The following CDH12 variants were observed in gnomAD, a reference collection of about 807,000 sequenced individuals.
CDH12 encodes the protein cadherin 12.
A neutral mutation model predicts 74.1 loss-of-function variants in CDH12; 41 were observed. The ratio of observed to expected loss-of-function variants is 0.55; its 90% CI spans 0.43 to 0.72. The LOEUF is 0.72. CDH12 is among the 30% of genes least tolerant of loss of function. The pLI, the probability that CDH12 is intolerant of heterozygous loss-of-function variation, is 0.00. For missense variants in CDH12, 945 were observed against 977.2 expected (o/e 0.97, Z 0.44); for synonymous variants, 399 against 355.0 (o/e 1.12, Z -1.39).
intron 1 of CDH12, among the ~76,000 whole-genome samples, chr5:22,730,170 A>G (rs547504737): frequency 1.3e-5 from 2 of 151,908 alleles, no homozygotes; most frequent in South Asian, 4.1e-4. Context: ...CTAGATATTT[A>G]AATAAAATGA....
chr5:22,268,603 T>C (rs1422670706), intron 3 of CDH12, among the ~76,000 whole-genome samples: 1 of 152,104 alleles, frequency 6.6e-6, no homozygotes, highest in Non-Finnish European at 1.5e-5. Context: ...TATTATAAGA[T>C]GTTAAGGTTT....
chr5:22,380,291 A>T (rs1262203921), intron 3 of CDH12, among the ~76,000 whole-genome samples: 1 of 152,182 alleles, frequency 6.6e-6, no homozygotes, highest in Non-Finnish European at 1.5e-5. Context: ...CATATTTCAT[A>T]CTAATTATTT....
intron 1 of CDH12, among the ~76,000 whole-genome samples, chr5:22,569,992 T>C (rs1271260018): frequency 6.6e-6 from 1 of 152,170 alleles, no homozygotes; most frequent in Non-Finnish European, 1.5e-5. Context: ...TCATAGGGAT[T>C]AGTATCTATA....
chr5:22,445,612 A>G (rs576302638), intron 2 of CDH12, among the ~76,000 whole-genome samples: 1 of 152,244 alleles, frequency 6.6e-6, no homozygotes, highest in Admixed American at 6.6e-5. Flanking sequence ...TAATGTTTTT[A>G]TCTTGAACCT....
intron 3 of CDH12, among the ~76,000 whole-genome samples, chr5:22,360,607 C>A (rs1055908339): frequency 9.9e-5 from 15 of 152,072 alleles, no homozygotes; most frequent in African/African-American, 3.6e-4. Flanking sequence ...GATACCAAAG[C>A]CTGGCAGAGA....
At chr5:22,072,459 T>C (rs932529279) in intron 5 of CDH12, among the ~76,000 whole-genome samples, 1 of 152,044 alleles carries the variant, frequency 6.6e-6, no homozygotes, top group African/African-American at 2.4e-5. Flanking sequence ...TTTGTGATGA[T>C]TTTCTTGAAT....
chr5:21,755,991 C>A, intron 13 of CDH12, 149 bp from the exon 14 acceptor site: 5 of 667,480 alleles, frequency 7.5e-6, no homozygotes, highest in South Asian at 2.3e-5. Context: ...ATGAAAACTG[C>A]CAAAATATAA....
chr5:22,452,177 C>A (rs533200199), intron 2 of CDH12, among the ~76,000 whole-genome samples: 5 of 151,768 alleles, frequency 3.3e-5, no homozygotes, highest in Non-Finnish European at 7.4e-5. Context: ...CAACACAATT[C>A]CTATTAAAAT....
chr5:22,139,834 A>G (rs1746686775), intron 4 of CDH12, among the ~76,000 whole-genome samples: 1 of 152,180 alleles, frequency 6.6e-6, no homozygotes, highest in Non-Finnish European at 1.5e-5. Flanking sequence ...CTGGAGAGCC[A>G]TCAGTTGAAA....
chr5:22,662,642 T>C (rs1740410169), intron 1 of CDH12, among the ~76,000 whole-genome samples: 1 of 152,236 alleles, frequency 6.6e-6, no homozygotes, highest in Non-Finnish European at 1.5e-5. Context: ...AGGATATAAA[T>C]AGATTACTTG....
At chr5:22,612,288 ACTTGT>A in intron 1 of CDH12, among the ~76,000 whole-genome samples, 1 of 152,256 alleles carries the variant, frequency 6.6e-6, no homozygotes. Flanking sequence ...ACAGGTTAAC[ACTTGT>A]CTTAGGTAGT....
rs1225464998 is a variant in CDH12, at chr5:22,548,737, A to G, written c.-522-43373T>C. On this transcript the variant is annotated intron_variant, in intron 1 of 14. Transcript: ENST00000382254. The stretch of plus-strand genomic sequence containing the variant: ...AGGAGAAGGTAAATCATTATCCTAG[A>G]TAATTCCAACTTTCAAAATTTATCT... Among the ~76,000 whole-genome samples, 3 of 151,984 alleles carry G rather than the reference A, an allele frequency of 2.0e-5. No homozygotes were observed. In the East Asian group the frequency reaches 5.8e-4, roughly 30 times the overall value.
intron 3 of CDH12, among the ~76,000 whole-genome samples, chr5:22,323,054 G>C (rs2968392): frequency 6.6e-6 from 1 of 152,076 alleles, no homozygotes; most frequent in Non-Finnish European, 1.5e-5. Flanking sequence ...TTTTAGGCAA[G>C]AGAAAATTGC....
At chr5:22,532,720 G>A (rs1398222382) in intron 1 of CDH12, among the ~76,000 whole-genome samples, 1 of 151,662 alleles carries the variant, frequency 6.6e-6, no homozygotes, top group East Asian at 1.9e-4. Context: ...ACATGGCATG[G>A]CGAAAACCTG....
intron 1 of CDH12, among the ~76,000 whole-genome samples, chr5:22,589,856 T>C (rs867941743): frequency 2.0e-5 from 3 of 151,354 alleles, no homozygotes; most frequent in Admixed American, 6.6e-5. Flanking sequence ...TTACCTATCA[T>C]TTTTTTGTAA....
intron 1 of CDH12, among the ~76,000 whole-genome samples, chr5:22,554,723 G>T (rs142399221): frequency 5.9e-5 from 9 of 152,040 alleles, no homozygotes; most frequent in African/African-American, 2.2e-4. Flanking sequence ...AGCATAAAGT[G>T]ACTTACTATC....
At chr5:21,946,175 T>C (rs569298277) in intron 6 of CDH12, among the ~76,000 whole-genome samples, 176 of 152,226 alleles carry the variant, frequency 1.2e-3, no homozygotes, top group African/African-American at 4.1e-3. Flanking sequence ...AATAATATTC[T>C]TCAGGCATTA....
intron 5 of CDH12, among the ~76,000 whole-genome samples, chr5:21,995,310 A>G (rs533408716): frequency 6.6e-6 from 1 of 151,874 alleles, no homozygotes; most frequent in South Asian, 2.1e-4. Flanking sequence ...TGAGCTCAGT[A>G]TAGAGGACAG....
intron 1 of CDH12, among the ~76,000 whole-genome samples, chr5:22,530,063 TC>T (rs1433300045): frequency 6.6e-6 from 1 of 152,200 alleles, no homozygotes; most frequent in Non-Finnish European, 1.5e-5. Context: ...TTAAATTTTT[TC>T]ATTCCTATTT....
Sources: allele counts gnomAD v4.1 joint callset (sites outside exome capture counted in the v4.1 genomes callset), GRCh38; gene constraint gnomAD v4.1.1; transcripts MANE v1.5; gene names NCBI Gene and HGNC (gene_info 2026-07-23, HGNC 2026-07-21).